Variants in RTEL1 observed in about 807,000 individuals in gnomAD.
The protein encoded by RTEL1 is regulator of telomere length.
RTEL1 carries 86 observed loss-of-function variants against 162.2 expected under a neutral mutation model. That is an observed-to-expected ratio of 0.53 (90% CI 0.45 to 0.63). The LOEUF is 0.63. Among genes scored for constraint, RTEL1 ranks in the 30% least tolerant of loss-of-function variants. The probability of loss-of-function intolerance (pLI) is 0.00; values close to 1 mark genes in which losing one functional copy is unlikely to be tolerated. For missense variants in RTEL1, 1,941 were observed against 1,750.2 expected, an observed-to-expected ratio of 1.11 and a Z score of -1.95; for synonymous variants, 958 against 717.9, an observed-to-expected ratio of 1.33 and a Z score of -5.35.
At chr20:63,685,494 G>C in intron 14 of RTEL1, 29 bp from the exon 15 acceptor site, 1 of 1,608,304 alleles carries the variant, frequency 6.2e-7, no homozygotes, top group East Asian at 2.2e-5. Flanking sequence ...TCAGGCTCCT[G>C]ACGGGGCTGC....
At chr20:63,660,267 G>A (rs1439744487) in intron 2 of RTEL1, among the ~76,000 whole-genome samples, 1 of 152,248 alleles carries the variant, frequency 6.6e-6, no homozygotes, top group Non-Finnish European at 1.5e-5. Context: ...CTTCACGGGT[G>A]TTGGGCTGGG....
chr20:63,690,087 G>T lies in RTEL1; in HGVS notation c.2142G>T (p.Arg714Ser). 6.2e-7 allele frequency: 1 copy of T among 1,610,818 alleles called. No homozygotes were observed. The change falls in exon 25 of 35, where the codon AGG becomes AGT. Residue 714 changes from arginine (R) to serine (S), a missense_variant and splice_region_variant. Physicochemically the swap from Arg to Ser is moderately radical, Grantham distance 110. Coordinates refer to ENST00000360203, the MANE Select transcript of RTEL1 (RefSeq NM_001283009.2). ...DYGAVFLCDHRFAFADARAQL... is the reference protein window; with the variant it reads ...DYGAVFLCDHSFAFADARAQL... ...CAGCAGGGCTATGGCCACCCCCCAG[G>T]TTCGCCTTTGCCGACGCAAGAGCCC...
rs1482377789 is a variant in RTEL1, at chr20:63,695,183, C to T, written c.3461C>T (p.Ala1154Val). 2.5e-6 allele frequency: 4 copies of T among 1,612,078 alleles called. No individual in the cohort carries two copies. The highest frequency in any genetic ancestry group is 2.2e-5 in the South Asian group (2 of 91,072). The change falls in exon 33 of 35, where the codon GCC becomes GTC. Residue 1154 changes from alanine to valine, a missense_variant. Transcript: ENST00000360203. ...EPPGPQEERL[A>V]VPPVLTHRAP... ...CCGGGACCCCAGGAGGAGAGGCTTGCCGTGCCTCCTGTGCTTACCCACAGG... is the reference window on the plus strand; with the variant it reads ...CCGGGACCCCAGGAGGAGAGGCTTGTCGTGCCTCCTGTGCTTACCCACAGG...
intron 2 of RTEL1, chr20:63,660,586 A>G (rs536555138): frequency 5.2e-5 from 8 of 152,444 alleles, no homozygotes; most frequent in East Asian, 1.9e-4. Flanking sequence ...GGGCAAAGCA[A>G]TTGTTCAGGG....
At chr20:63,676,595 C>A (rs1254289367) in intron 10 of RTEL1, among the ~76,000 whole-genome samples, 1 of 152,152 alleles carries the variant, frequency 6.6e-6, no homozygotes, top group Admixed American at 6.5e-5. Context: ...CGCCCTGCAC[C>A]ATATCAGCTA....
In RTEL1 at chr20:63,662,446, G is replaced by A. The variant is rs552867691; in HGVS notation, c.396-100G>A. On this transcript the variant is annotated intron_variant, in intron 4 of 34. Coordinates refer to ENST00000360203, the MANE Select transcript of RTEL1 (RefSeq NM_001283009.2). ...TCAGTTATGCTCACTTCCTCTGACC[G>A]CCGAGGCTCCTGCGTGTCTCCATAC... 1.4e-5 allele frequency: 22 copies of A among 1,572,164 alleles called. No individual in the cohort carries two copies. The East Asian group carries it at 3.5e-4, about 25-fold the overall frequency.
At position 63,669,363 on chromosome 20, in the gene RTEL1, G is replaced by C. The variant is rs116643750; in HGVS notation, c.699+1810G>C. The stretch of plus-strand genomic sequence containing the variant: ...TGGGGGAGGTCTTTGCAACTTTGGG[G>C]TAGGCAGAGATTTCTTAGTATGGAT... On this transcript the variant is annotated intron_variant, in intron 8 of 34. Coordinates refer to ENST00000360203, the MANE Select transcript of RTEL1 (RefSeq NM_001283009.2). Among the ~76,000 whole-genome samples the C allele has an allele frequency of 5.3e-3, 802 of 152,274 alleles. 6 individuals carry two copies. The highest frequency in any genetic ancestry group is 0.019 in the African/African-American group (779 of 41,538).
chr20:63,693,336 G>C, intron 30 of RTEL1, 53 bp downstream of exon 30: 1 of 1,603,736 alleles, frequency 6.2e-7, no homozygotes, highest in Non-Finnish European at 8.5e-7. Flanking sequence ...AGGCAGTGTG[G>C]GCCAGAGTCC....
chr20:63,683,448 A>G (rs1338263975), intron 14 of RTEL1, among the ~76,000 whole-genome samples: 2 of 152,228 alleles, frequency 1.3e-5, no homozygotes, highest in Non-Finnish European at 2.9e-5. Context: ...GGAAGGAAGG[A>G]ACGGAAGGAA....
chr20:63,679,254 C>T (rs1182181326), intron 12 of RTEL1, among the ~76,000 whole-genome samples: 1 of 152,176 alleles, frequency 6.6e-6, no homozygotes, highest in Non-Finnish European at 1.5e-5. Context: ...TGCCTGAGCG[C>T]CGACCTGGTC....
chr20:63,693,448 GCACCACCTCCACCTC>G (rs2090827662), intron 30 of RTEL1, among the ~76,000 whole-genome samples, 165 bp downstream of exon 30: 2 of 42,358 alleles, frequency 4.7e-5, no homozygotes, highest in East Asian at 1.0e-3. Flanking sequence ...AGCACCAGCA[GCACCACCTCCACCTC>G]CACCTCCACC....
At position 63,681,599 on chromosome 20, in the gene RTEL1, C is replaced by G. The variant is rs988538957; in HGVS notation, c.1191+880C>G. On this transcript the variant is annotated intron_variant, in intron 14 of 34. Transcript: ENST00000360203. ...AAGAACCCTGGGATGCATGGCTGGC[C>G]TGTGCATGCTGCTGGGCATGGAGCT... 5.1e-6 allele frequency: 5 copies of G among 985,368 alleles called. No homozygotes were observed. The South Asian group carries it at 2.3e-4, about 46-fold the overall frequency. The allele number at this position is 985,368 out of a possible 1,614,324, so 61.0% of individuals were successfully genotyped here. A position where few individuals can be genotyped will look rare whatever the true frequency, so the allele number is the denominator to read the frequency against.
rs2145470954 is a variant in RTEL1 at position 63,694,406 on chromosome 20, C to T, written c.3027C>T (p.Ser1009=). The change falls in exon 31 of 35, where the codon TCC becomes TCT. Residue 1009 remains serine (S), a synonymous_variant. Transcript: ENST00000360203. Reference sequence around the variant, plus strand: ...CGCCGGATCCCAAGCTGACCGTGTCCACGGCTGCAGCCCAGCAGCTGGACC... The same window carrying T: ...CGCCGGATCCCAAGCTGACCGTGTCTACGGCTGCAGCCCAGCAGCTGGACC... ...RTAPDPKLTV[S]TAAAQQLDPQ... is the part of the protein sequence containing the mutation. 1.9e-6 allele frequency: 3 copies of T among 1,612,458 alleles called. No homozygotes were observed. Among genetic ancestry groups the T allele is most frequent in the South Asian group, 2.2e-5 (2 of 91,076 alleles).
chr20:63,667,046 A>T (rs188783936), intron 7 of RTEL1, among the ~76,000 whole-genome samples: 3 of 148,648 alleles, frequency 2.0e-5, no homozygotes, highest in African/African-American at 5.0e-5. Flanking sequence ...TCACCGTGTT[A>T]GCCAGGATGG....
chr20:63,667,698 C>A, intron 8 of RTEL1, 145 bp downstream of exon 8: 1 of 697,420 alleles, frequency 1.4e-6, no homozygotes, highest in Admixed American at 2.1e-5. Context: ...TGGGCAGGGG[C>A]TCAACCTGGC....
chr20:63,661,519 T>A lies in RTEL1; in HGVS notation c.301+23T>A. On this transcript the variant is annotated intron_variant, in intron 3 of 34. Coordinates refer to ENST00000360203, the MANE Select transcript of RTEL1 (RefSeq NM_001283009.2). The surrounding 1 kb of genome is among the most constrained non-coding windows in gnomAD (Gnocchi z 5.1). Reference sequence around the variant, plus strand: ...TAGGTGACCCTAGTTCCCAGGCCTCTCCTGGCCTCCTGTGGGGATGGTTGG... The same window carrying A: ...TAGGTGACCCTAGTTCCCAGGCCTCACCTGGCCTCCTGTGGGGATGGTTGG... The A allele has an allele frequency of 6.3e-7, 1 of 1,596,772 alleles. No individual in the cohort carries two copies. Among genetic ancestry groups the A allele is most frequent in the Non-Finnish European group, 8.5e-7 (1 of 1,175,004 alleles).
chr20:63,692,569 A>T (rs2090775555), intron 28 of RTEL1: 3 of 579,734 alleles, frequency 5.2e-6, no homozygotes. Context: ...TTGCCCATTC[A>T]CTGCTCTCAG....
At chr20:63,687,060 C>G (rs534903073) in intron 16 of RTEL1, 1 of 153,034 alleles carries the variant, frequency 6.5e-6, no homozygotes. Flanking sequence ...CTGCTTGTGC[C>G]GTGTTGAATT....
rs1010386985 is a variant in RTEL1 at position 63,685,957 on chromosome 20, C to T, written c.1348+85C>T. The T allele has an allele frequency of 3.9e-5, 51 of 1,317,462 alleles. 1 individual carries two copies. Among genetic ancestry groups the T allele is most frequent in the South Asian group, 2.9e-4 (23 of 80,248 alleles). 81.6% of individuals were successfully genotyped at this position (1,317,462 alleles called of 1,614,324 possible). On this transcript the variant is annotated intron_variant, in intron 16 of 34. Transcript: ENST00000360203. ...GCCACAGGCTAGGCACATGCCCAGCCGTGGATCTCCTGCCCCCATGGGCCT... is the reference window on the plus strand; with the variant it reads ...GCCACAGGCTAGGCACATGCCCAGCTGTGGATCTCCTGCCCCCATGGGCCT...
Sources: allele counts gnomAD v4.1 joint callset (sites outside exome capture counted in the v4.1 genomes callset), GRCh38; gene constraint gnomAD v4.1.1; non-coding constraint Gnocchi (gnomAD v3.1); transcripts MANE v1.5; gene names NCBI Gene and HGNC (gene_info 2026-07-23, HGNC 2026-07-21).